RBFOX1: variants seen among roughly 807,000 people sequenced by gnomAD.
The protein encoded by RBFOX1 is RNA binding fox-1 homolog 1, also known as RNA binding protein fox-1 homolog 1.
A neutral mutation model predicts 57.7 loss-of-function variants in RBFOX1; 8 were observed. The ratio of observed to expected loss-of-function variants is 0.14; its 90% CI spans 0.08 to 0.25. RBFOX1 has a LOEUF of 0.25. RBFOX1 is among the 10% of genes least tolerant of loss of function. The pLI, the probability that RBFOX1 is intolerant of heterozygous loss-of-function variation, is 1.00. For synonymous variants in RBFOX1, 326 were observed against 222.4 expected (o/e 1.47, Z -4.15); for missense variants, 611 against 548.5 (o/e 1.11, Z -1.14).
At chr16:6,662,855 A>C (rs974295145) in intron 3 of RBFOX1, among the ~76,000 whole-genome samples, 1 of 152,172 alleles carries the variant, frequency 6.6e-6, no homozygotes, top group African/African-American at 2.4e-5. Context: ...TCAACGAGCT[A>C]TTTCTTTTCT....
At chr16:6,862,951 C>T (rs1289114392) in intron 3 of RBFOX1, among the ~76,000 whole-genome samples, 4 of 151,036 alleles carry the variant, frequency 2.6e-5, no homozygotes, top group Non-Finnish European at 5.9e-5. Flanking sequence ...CGGCACTGCA[C>T]TCCAGCCTGG....
chr16:7,386,449 A>T (rs2097883827), intron 4 of RBFOX1, among the ~76,000 whole-genome samples: 3 of 136,776 alleles, frequency 2.2e-5, no homozygotes, highest in Non-Finnish European at 3.0e-5. Context: ...CTCATTGTTC[A>T]CCTCCCACTT....
intron 4 of RBFOX1, among the ~76,000 whole-genome samples, chr16:7,195,881 G>A (rs550935032): frequency 6.6e-6 from 1 of 151,990 alleles, no homozygotes. Flanking sequence ...AAAGGTGCCT[G>A]GTTTATATTT....
chr16:6,765,166 G>A (rs1447901845), intron 3 of RBFOX1, among the ~76,000 whole-genome samples: 1 of 152,112 alleles, frequency 6.6e-6, no homozygotes, highest in East Asian at 1.9e-4. Flanking sequence ...TACCTTGCAT[G>A]AGGCTCTGAA....
At chr16:6,989,624 C>T (rs1287271363) in intron 3 of RBFOX1, among the ~76,000 whole-genome samples, 1 of 152,136 alleles carries the variant, frequency 6.6e-6, no homozygotes, top group East Asian at 1.9e-4. Flanking sequence ...GAAGTTATCT[C>T]TGCAGACTGT....
At chr16:7,698,360 G>A (rs952043816) in intron 14 of RBFOX1, among the ~76,000 whole-genome samples, 2 of 151,962 alleles carry the variant, frequency 1.3e-5, no homozygotes, top group African/African-American at 2.4e-5. Context: ...CAACCATGTG[G>A]GGTGAGGGTA....
At chr16:5,587,644 C>G (rs921652055) in intron 2 of RBFOX1, among the ~76,000 whole-genome samples, 19 of 152,304 alleles carry the variant, frequency 1.2e-4, no homozygotes, top group African/African-American at 4.3e-4. Flanking sequence ...ACCCAGGAGG[C>G]AGAGGTTGCA....
chr16:6,567,978 G>T (rs986213050), intron 2 of RBFOX1, among the ~76,000 whole-genome samples: 4 of 152,050 alleles, frequency 2.6e-5, no homozygotes, highest in Non-Finnish European at 5.9e-5. Context: ...ATGCCACCAT[G>T]CCAGGCTAAT....
intron 1 of RBFOX1, among the ~76,000 whole-genome samples, chr16:6,022,976 A>T (rs1408185595): frequency 6.6e-6 from 1 of 152,148 alleles, no homozygotes; most frequent in Non-Finnish European, 1.5e-5. Context: ...CCTTTACTGC[A>T]TGAGGGATTC....
chr16:7,328,063 G>A (rs1187618005), intron 4 of RBFOX1, among the ~76,000 whole-genome samples: 6 of 152,150 alleles, frequency 3.9e-5, no homozygotes, highest in Admixed American at 3.3e-4. Context: ...AGTCACTTAT[G>A]TTGGCTCTCT....
intron 5 of RBFOX1, among the ~76,000 whole-genome samples, chr16:7,541,800 G>A (rs1601377626): frequency 6.6e-6 from 1 of 152,266 alleles, no homozygotes; most frequent in Admixed American, 6.5e-5. Context: ...TCTTCCTCTG[G>A]CAAATGATTT....
At chr16:7,434,337 T>G (rs1428913696) in intron 4 of RBFOX1, among the ~76,000 whole-genome samples, 1 of 151,868 alleles carries the variant, frequency 6.6e-6, no homozygotes, top group Non-Finnish European at 1.5e-5. Context: ...CTGGGCACAG[T>G]GGCGGGCGCC....
chr16:6,074,588 G>T (rs190243952), intron 1 of RBFOX1, among the ~76,000 whole-genome samples: 87 of 152,310 alleles, frequency 5.7e-4, no homozygotes, highest in South Asian at 1.9e-3. Flanking sequence ...GTGAAATGGG[G>T]TCTTGCAGTG....
At chr16:7,423,532 C>T (rs947559784) in intron 4 of RBFOX1, among the ~76,000 whole-genome samples, 1 of 152,106 alleles carries the variant, frequency 6.6e-6, no homozygotes, top group African/African-American at 2.4e-5. Context: ...ATTAAAACTT[C>T]TGTCACCATC....
At chr16:6,263,108 C>T (rs535501916) in intron 1 of RBFOX1, among the ~76,000 whole-genome samples, 99 of 152,242 alleles carry the variant, frequency 6.5e-4, no homozygotes, top group Admixed American at 1.9e-3. Context: ...TTTAGGAGAA[C>T]ACAGAGTGCG....
At chr16:6,883,715 T>A (rs189335388) in intron 3 of RBFOX1, among the ~76,000 whole-genome samples, 1 of 152,196 alleles carries the variant, frequency 6.6e-6, no homozygotes, top group African/African-American at 2.4e-5. Context: ...TAAAATAGTT[T>A]CTAAGAATGA....
At chr16:5,730,911 T>C (rs958638210) in intron 3 of RBFOX1, among the ~76,000 whole-genome samples, 1 of 151,528 alleles carries the variant, frequency 6.6e-6, no homozygotes, top group Admixed American at 6.6e-5. Flanking sequence ...CATCAACATC[T>C]CCACTGCCAT....
intron 1 of RBFOX1, among the ~76,000 whole-genome samples, chr16:5,402,222 A>C (rs978979842): frequency 6.6e-6 from 1 of 152,140 alleles, no homozygotes; most frequent in Non-Finnish European, 1.5e-5. Flanking sequence ...ACCCCAGCGT[A>C]CTGGAGAAGA....
chr16:6,573,638 T>G (rs1005285959), intron 2 of RBFOX1: 1 of 152,246 alleles, frequency 6.6e-6, no homozygotes, highest in Non-Finnish European at 1.5e-5. Context: ...AAAATAAGGC[T>G]TATGACGTTG....
Sources: gnomAD v4.1 joint callset for allele counts (sites outside exome capture counted in the v4.1 genomes callset) on GRCh38, gnomAD v4.1.1 for gene constraint, MANE v1.5 for transcripts, NCBI Gene and HGNC (gene_info 2026-07-23, HGNC 2026-07-21) for gene names.